The following RBL1 variants were observed in gnomAD, a reference collection of about 807,000 sequenced individuals.
RBL1 encodes retinoblastoma-like protein 1.
In RBL1, 82 loss-of-function variants were observed where a neutral mutation model predicts 123.0. The ratio of observed to expected loss-of-function variants is 0.67; its 90% confidence interval spans 0.56 to 0.80. The LOEUF is 0.80. Among genes scored for constraint, RBL1 ranks in the 30% least tolerant of loss-of-function variants. RBL1 has a pLI of 0.00. For missense variants in RBL1, 1,171 were observed against 1,299.6 expected, an observed-to-expected ratio of 0.90 and a Z score of 1.52; for synonymous variants, 405 against 441.3, an observed-to-expected ratio of 0.92 and a Z score of 1.03.
intron 16 of RBL1, among the ~76,000 whole-genome samples, chr20:37,029,060 A>G (rs2064465807): frequency 6.6e-6 from 1 of 152,212 alleles, no homozygotes; most frequent in South Asian, 2.1e-4. Context: ...CAAGGAAATC[A>G]TTCAGTATAA....
intron 2 of RBL1, among the ~76,000 whole-genome samples, chr20:37,087,437 A>T (rs2065567154): frequency 6.6e-6 from 1 of 152,088 alleles, no homozygotes; most frequent in African/African-American, 2.4e-5. Context: ...ATTTAAAAAT[A>T]TCAGTCAGGC....
At chr20:37,078,173 T>A (rs2065394241) in intron 2 of RBL1, among the ~76,000 whole-genome samples, 1 of 152,194 alleles carries the variant, frequency 6.6e-6, no homozygotes, top group African/African-American at 2.4e-5. Context: ...GAGGATCATA[T>A]CCATTAGTCC....
chr20:37,012,577 G>A (rs2064173388), intron 19 of RBL1, among the ~76,000 whole-genome samples: 1 of 150,570 alleles, frequency 6.6e-6, no homozygotes, highest in Non-Finnish European at 1.5e-5. Context: ...GAGGTGAGGA[G>A]CGTCTCTGCC....
At chr20:37,076,130 A>C (rs2065359808) in intron 2 of RBL1, among the ~76,000 whole-genome samples, 1 of 152,194 alleles carries the variant, frequency 6.6e-6, no homozygotes, top group Non-Finnish European at 1.5e-5. Flanking sequence ...ACCAGCATAC[A>C]TAATTTTTTC....
intron 16 of RBL1, among the ~76,000 whole-genome samples, chr20:37,025,255 C>T (rs2064400792): frequency 6.6e-6 from 1 of 152,156 alleles, no homozygotes; most frequent in African/African-American, 2.4e-5. Flanking sequence ...CACGGTGGCT[C>T]ACATCTGTAA....
At position 37,020,657 on chromosome 20, in the gene RBL1, A is replaced by G; in HGVS notation, c.2631+2T>C. On this transcript the variant is annotated splice_donor_variant, in intron 18 of 21. Transcript: ENST00000373664. LOFTEE classifies it high-confidence loss of function. Reference sequence around the variant, plus strand: ...GACAGTAGGAAAAATAATGTAACTCACGTGACTATTAGCTTGGGGCTGATT... The same window carrying G: ...GACAGTAGGAAAAATAATGTAACTCGCGTGACTATTAGCTTGGGGCTGATT... The G allele has an allele frequency of 6.4e-7, 1 of 1,566,478 alleles. No homozygotes were observed. The highest frequency in any genetic ancestry group is 8.7e-7 in the Non-Finnish European group (1 of 1,150,890).
chr20:37,038,150 C>A (rs2064657228), intron 14 of RBL1, among the ~76,000 whole-genome samples: 1 of 151,798 alleles, frequency 6.6e-6, no homozygotes, highest in Admixed American at 6.6e-5. Context: ...CACCACCATG[C>A]CTGGCTAATT....
intron 16 of RBL1, among the ~76,000 whole-genome samples, chr20:37,030,059 A>T (rs181293895): frequency 6.6e-6 from 1 of 152,330 alleles, no homozygotes; most frequent in African/African-American, 2.4e-5. Flanking sequence ...AAATTCCACA[A>T]TGTTTTTGCA....
Position 37,040,150 on chromosome 20 carries a change from T to C in RBL1, c.1903+3A>G, listed in dbSNP as rs1427162332. The C allele has an allele frequency of 4.3e-6, 7 of 1,613,020 alleles. No individual in the cohort carries two copies. The highest frequency in any genetic ancestry group is 1.3e-5 in the African/African-American group (1 of 75,002). On this transcript the variant is annotated splice_donor_region_variant and intron_variant, in intron 14 of 21. Coordinates refer to ENST00000373664, the MANE Select transcript of RBL1 (RefSeq NM_002895.5). The stretch of plus-strand genomic sequence containing the variant: ...TTCATTCCTTTACCAATGTTGAACC[T>C]ACCTCTTCGAAGACTCCCACTGTCA...
At chr20:37,013,503 G>GT (rs1444306291) in intron 19 of RBL1, among the ~76,000 whole-genome samples, 1 of 148,690 alleles carries the variant, frequency 6.7e-6, no homozygotes, top group Non-Finnish European at 1.5e-5. Context: ...TTGTTCACTT[G>GT]TTTATCTGCT....
intron 16 of RBL1, among the ~76,000 whole-genome samples, chr20:37,027,746 ATTTAT>A (rs1488880843): frequency 1.3e-5 from 2 of 152,092 alleles, no homozygotes; most frequent in Admixed American, 6.6e-5. Context: ...AACACATTAG[ATTTAT>A]TTTATTTATT....
rs1315320338 is a variant in RBL1, at chr20:37,095,944, G to C, written c.-16C>G. On this transcript the variant is annotated 5_prime_UTR_variant, in exon 1 of 22. Coordinates refer to ENST00000373664, the MANE Select transcript of RBL1 (RefSeq NM_002895.5). ...CCTCGAACATCCCTTCAGGCCCCGC[G>C]GGCTGCGCGCCACGGCCCCCGACTT... 1 of 1,517,224 alleles carries C rather than the reference G, an allele frequency of 6.6e-7. No homozygotes were observed. The highest frequency in any genetic ancestry group is 8.9e-7 in the Non-Finnish European group (1 of 1,127,162). The allele number at this position is 1,517,224 out of a possible 1,614,324, so 94.0% of individuals were successfully genotyped here.
At chr20:37,083,682 G>A (rs1371965519) in intron 2 of RBL1, among the ~76,000 whole-genome samples, 3 of 140,746 alleles carry the variant, frequency 2.1e-5, no homozygotes, top group Non-Finnish European at 3.0e-5. Flanking sequence ...GCATGCACCT[G>A]TAGCCCCAGC....
chr20:37,095,360 T>C (rs1261833081), intron 1 of RBL1, among the ~76,000 whole-genome samples: 1 of 152,060 alleles, frequency 6.6e-6, no homozygotes, highest in Non-Finnish European at 1.5e-5. Context: ...TTGCGTGAAA[T>C]GGGGATCACA....
chr20:37,064,112 T>C (rs2065140318), intron 7 of RBL1, among the ~76,000 whole-genome samples: 1 of 151,072 alleles, frequency 6.6e-6, no homozygotes, highest in Non-Finnish European at 1.5e-5. Context: ...TGTGAGCCAC[T>C]GTGCCCGGCC....
chr20:37,092,110 G>A (rs6017253), intron 1 of RBL1, among the ~76,000 whole-genome samples: 1,567 of 152,100 alleles, frequency 0.01, 25 homozygotes, highest in African/African-American at 0.036. Context: ...GGACGTGGTG[G>A]TATGCGCCTG....
At chr20:37,071,147 G>A (rs932448989) in intron 2 of RBL1, among the ~76,000 whole-genome samples, 3 of 151,928 alleles carry the variant, frequency 2.0e-5, no homozygotes, top group Non-Finnish European at 2.9e-5. Context: ...CACCTGCCTC[G>A]GCCTCCCAAA....
chr20:37,011,721 C>T (rs1600454929), intron 19 of RBL1, among the ~76,000 whole-genome samples: 1 of 152,090 alleles, frequency 6.6e-6, no homozygotes, highest in Non-Finnish European at 1.5e-5. Flanking sequence ...AGGTGTGAGC[C>T]ACCATGTACA....
chr20:37,032,905 T>C (rs191195173), intron 15 of RBL1, 29 bp from the exon 16 acceptor site: 1 of 1,611,852 alleles, frequency 6.2e-7, no homozygotes, highest in Non-Finnish European at 8.5e-7. Context: ...TTAGAAATAA[T>C]CTGCATATGT....
Sources: allele counts gnomAD v4.1 joint callset (sites outside exome capture counted in the v4.1 genomes callset), GRCh38; gene constraint gnomAD v4.1.1; transcripts MANE v1.5; gene names NCBI Gene and HGNC (gene_info 2026-07-23, HGNC 2026-07-21).